The following COP1 variants were observed in gnomAD, a reference collection of about 807,000 sequenced individuals.
COP1 encodes the protein E3 ubiquitin-protein ligase COP1.
Under a neutral mutation model 101.3 loss-of-function variants are expected in COP1, and 24 were observed. The observed-to-expected ratio is 0.24, with a 90% CI of 0.17 to 0.33. COP1 has a LOEUF of 0.33. Ranked by LOEUF, COP1 falls within the 10% of genes least tolerant of loss-of-function variation. The pLI, the probability that COP1 is intolerant of heterozygous loss-of-function variation, is 1.00. For missense variants in COP1, 663 were observed against 906.2 expected (o/e 0.73, Z 3.45); for synonymous variants, 347 against 341.9 (o/e 1.01, Z -0.17).
At chr1:176,073,854 A>T (rs1677460103) in intron 11 of COP1, among the ~76,000 whole-genome samples, 1 of 152,232 alleles carries the variant, frequency 6.6e-6, no homozygotes, top group South Asian at 2.1e-4. Flanking sequence ...TATGTCATGC[A>T]ATTTTACAGT....
chr1:176,171,124 C>CAA (rs1174700907), intron 3 of COP1, among the ~76,000 whole-genome samples: 24,389 of 56,532 alleles, frequency 0.43, 5,591 homozygotes, highest in Non-Finnish European at 0.5. Context: ...GACTCCATCT[C>CAA]AAAAAAAAAA....
At chr1:176,067,726 G>A (rs1006254842) in intron 11 of COP1, among the ~76,000 whole-genome samples, 1 of 152,184 alleles carries the variant, frequency 6.6e-6, no homozygotes. Context: ...CCAGGATACA[G>A]AAAGCTCTCT....
At chr1:176,174,902 C>G (rs1188538354) in intron 3 of COP1, among the ~76,000 whole-genome samples, 7 of 152,072 alleles carry the variant, frequency 4.6e-5, no homozygotes, top group Non-Finnish European at 8.8e-5. Context: ...TTAAAGGTTT[C>G]CTAAAATATC....
chr1:176,135,010 C>A lies in COP1; in HGVS notation c.968G>T (p.Ser323Ile). ...PQFEAPSPSH[S>I]SIIDSTEYSQ... ...TCAATTGCAAGTGTGAAGCTTGTACCTGTGTGATGGAGAAGGAGCTTCAAA... is the reference window on the plus strand; with the variant it reads ...TCAATTGCAAGTGTGAAGCTTGTACATGTGTGATGGAGAAGGAGCTTCAAA... The change falls in exon 8 of 20, where the codon AGT (serine) becomes ATT (isoleucine). Residue 323 changes from serine to isoleucine, a missense_variant and splice_region_variant. Around this residue, in one of 4 missense-constraint regions of COP1, gnomAD observed 212 missense variants for 240.7 expected, o/e 0.88. Coordinates refer to ENST00000367669, the MANE Select transcript of COP1 (RefSeq NM_022457.7). 6.2e-7 allele frequency: 1 copy of A among 1,605,426 alleles called. No homozygotes were observed. Among genetic ancestry groups the A allele is most frequent in the Non-Finnish European group, 8.5e-7 (1 of 1,172,718 alleles).
intron 15 of COP1, among the ~76,000 whole-genome samples, chr1:176,000,245 G>A (rs1317636736): frequency 1.3e-5 from 2 of 152,058 alleles, no homozygotes; most frequent in Admixed American, 1.3e-4. Flanking sequence ...AAGTCTTAAA[G>A]TCTTTAATCC....
At chr1:176,028,696 C>T (rs376456554) in intron 14 of COP1, among the ~76,000 whole-genome samples, 33 of 47,910 alleles carry the variant, frequency 6.9e-4, no homozygotes, top group East Asian at 2.5e-3. Context: ...ATATTTGTTT[C>T]ATATATATAT....
At chr1:176,126,319 C>G (rs1207046745) in intron 8 of COP1, among the ~76,000 whole-genome samples, 1 of 152,162 alleles carries the variant, frequency 6.6e-6, no homozygotes, top group Non-Finnish European at 1.5e-5. Flanking sequence ...AAAGGTTTCA[C>G]TTTTTCACCA....
At chr1:176,184,914 CT>C (rs1356553288) in intron 1 of COP1, among the ~76,000 whole-genome samples, 2 of 152,008 alleles carry the variant, frequency 1.3e-5, no homozygotes, top group African/African-American at 4.8e-5. Flanking sequence ...GGTCACTGAG[CT>C]TCAAAATGAA....
intron 6 of COP1, among the ~76,000 whole-genome samples, 154 bp from the exon 7 acceptor site, chr1:176,136,701 C>G (rs1020311308): frequency 4.6e-5 from 7 of 151,838 alleles, no homozygotes; most frequent in Non-Finnish European, 8.8e-5. Context: ...TAACCATCAA[C>G]AAAATATAGC....
chr1:176,173,554 C>T (rs1277559250), intron 3 of COP1, among the ~76,000 whole-genome samples: 1 of 151,336 alleles, frequency 6.6e-6, no homozygotes, highest in Non-Finnish European at 1.5e-5. Flanking sequence ...GTGGGAAGAT[C>T]ACCTGAACCA....
Position 175,957,744 on chromosome 1 carries a change from C to T in COP1, c.2134-10505G>A, listed in dbSNP as rs185125693. 5.9e-5 allele frequency among the ~76,000 whole-genome samples: 9 copies of T among 152,156 alleles called. 1 individual carries two copies. The East Asian group carries it at 1.2e-3, about 20-fold the overall frequency. ...AACACTTATTTATGAATGTTTACAG[C>T]GGCTTTATTAAAAATAGTTCAAAAC... is the stretch of plus-strand genomic sequence containing the variant. On this transcript the variant is annotated intron_variant, in intron 18 of 19. Transcript: ENST00000367669.
At chr1:176,206,488 C>G (rs1224093450) in intron 1 of COP1, 84 bp downstream of exon 1, 1 of 1,520,420 alleles carries the variant, frequency 6.6e-7, no homozygotes, top group Non-Finnish European at 9.0e-7. Flanking sequence ...AACAAGCCAC[C>G]CCCACACCAG....
chr1:176,159,767 A>G (rs1373278811), intron 5 of COP1, among the ~76,000 whole-genome samples: 1 of 152,208 alleles, frequency 6.6e-6, no homozygotes, highest in Non-Finnish European at 1.5e-5. Context: ...GTAGATACTA[A>G]CATACATAAG....
rs1241349732 is a variant in COP1, at chr1:175,944,918, A to G, written c.*235T>C. ...ATCACAAAAATTAGATAACACCACC[A>G]AGAGCAGCAATGTCCATGGAGTTAC... On this transcript the variant is annotated 3_prime_UTR_variant, in exon 20 of 20. Coordinates refer to ENST00000367669, the MANE Select transcript of COP1 (RefSeq NM_022457.7). 2 of 443,288 alleles carry G rather than the reference A, an allele frequency of 4.5e-6. No homozygotes were observed. Among genetic ancestry groups the G allele is most frequent in the Admixed American group, 8.8e-5 (2 of 22,624 alleles). The allele number at this position is 443,288 out of a possible 1,614,324, so 27.5% of individuals were successfully genotyped here.
At position 176,078,618 on chromosome 1, in the gene COP1, C is replaced by CAA. The variant is rs71129549; in HGVS notation, c.1277+2532_1277+2533dup. Among the ~76,000 whole-genome samples, 526 of 143,702 alleles carry CAA rather than the reference C, an allele frequency of 3.7e-3. 2 individuals are homozygous for CAA. Among genetic ancestry groups the CAA allele is most frequent in the Middle Eastern group, 0.011 (3 of 278 alleles). 94.3% of individuals were successfully genotyped at this position (143,702 alleles called of 152,430 possible). A position where few individuals can be genotyped will look rare whatever the true frequency, so the allele number is the denominator to read the frequency against. On this transcript the variant is annotated intron_variant, in intron 11 of 19. Coordinates refer to ENST00000367669, the MANE Select transcript of COP1 (RefSeq NM_022457.7). ...ATGGCTAAGTCTTCAAAAGCAATTG[C>CAA]AAAAAAAAAAACAAAAATTGACAAG...
chr1:176,067,070 G>A (rs1676120207), intron 11 of COP1, among the ~76,000 whole-genome samples: 1 of 152,020 alleles, frequency 6.6e-6, no homozygotes, highest in Admixed American at 6.5e-5. Flanking sequence ...ATAAATATAA[G>A]AAATTATAAA....
intron 9 of COP1, among the ~76,000 whole-genome samples, chr1:176,088,127 A>C (rs1229654604): frequency 6.6e-6 from 1 of 152,132 alleles, no homozygotes; most frequent in Non-Finnish European, 1.5e-5. Context: ...TGGGTGAGGG[A>C]TAGCACTAGG....
chr1:175,972,958 G>A (rs997274252), intron 18 of COP1, among the ~76,000 whole-genome samples: 33 of 151,978 alleles, frequency 2.2e-4, no homozygotes, highest in African/African-American at 7.5e-4. Context: ...TCAGCCTCCC[G>A]AGTAGCTGAG....
At chr1:176,159,953 C>T (rs1694045126) in intron 5 of COP1, among the ~76,000 whole-genome samples, 1 of 151,904 alleles carries the variant, frequency 6.6e-6, no homozygotes, top group Non-Finnish European at 1.5e-5. Flanking sequence ...ATTTCAGAGC[C>T]CCATATTATT....
Sources: gnomAD v4.1 joint callset for allele counts (sites outside exome capture counted in the v4.1 genomes callset) on GRCh38, gnomAD v4.1.1 for gene constraint, gnomAD v4.1.1 regional missense constraint, MANE v1.5 for transcripts, NCBI Gene and HGNC (gene_info 2026-07-23, HGNC 2026-07-21) for gene names.